Variants in SPTA1 observed in about 807,000 individuals in gnomAD.
The protein encoded by SPTA1 is spectrin alpha, erythrocytic 1.
Under a neutral mutation model 324.7 loss-of-function variants are expected in SPTA1, and 177 were observed. The ratio of observed to expected loss-of-function variants is 0.55; its 90% confidence interval spans 0.48 to 0.62. SPTA1 has a LOEUF of 0.62. Ranked by LOEUF, SPTA1 falls within the 20% of genes least tolerant of loss-of-function variation. The pLI, the probability that SPTA1 is intolerant of heterozygous loss-of-function variation, is 0.00. For missense variants in SPTA1, 3,162 were observed against 2,883.6 expected, an observed-to-expected ratio of 1.10 and a Z score of -2.21; for synonymous variants, 1,195 against 1,041.3, an observed-to-expected ratio of 1.15 and a Z score of -2.84.
At chr1:158,631,063 T>C (rs920732533) in intron 39 of SPTA1, among the ~76,000 whole-genome samples, 8 of 152,108 alleles carry the variant, frequency 5.3e-5, no homozygotes, top group African/African-American at 1.4e-4. Flanking sequence ...AAAAACAGTA[T>C]GGAGATTCCT....
At chr1:158,622,021 C>T (rs1368464066) in intron 43 of SPTA1, among the ~76,000 whole-genome samples, 3 of 152,124 alleles carry the variant, frequency 2.0e-5, no homozygotes, top group African/African-American at 7.2e-5. Context: ...CCCGCCACCA[C>T]GCCCGGCTAA....
intron 22 of SPTA1, 120 bp from the exon 23 acceptor site, chr1:158,652,773 AAAG>A: frequency 8.6e-7 from 1 of 1,158,240 alleles, no homozygotes; most frequent in Non-Finnish European, 1.2e-6. Context: ...ATCAAAAGCA[AAAG>A]AATAGTAGAA....
intron 10 of SPTA1, among the ~76,000 whole-genome samples, chr1:158,672,810 A>C (rs1312853034): frequency 2.0e-5 from 3 of 152,104 alleles, no homozygotes; most frequent in Admixed American, 2.0e-4. Context: ...AAAAAAGCAG[A>C]ATATGGCCAG....
intron 51 of SPTA1, 80 bp downstream of exon 51, chr1:158,612,737 C>A (rs2101744532): frequency 6.5e-7 from 1 of 1,541,294 alleles, no homozygotes; most frequent in Non-Finnish European, 8.9e-7. Context: ...TGGGTTTTTT[C>A]AAAGTAGGCC....
intron 39 of SPTA1, among the ~76,000 whole-genome samples, chr1:158,630,277 T>C (rs534255284): frequency 3.3e-5 from 5 of 152,100 alleles, no homozygotes; most frequent in African/African-American, 9.6e-5. Context: ...ATTAAGAGTA[T>C]GGTACTGGCA....
At chr1:158,616,983 T>C (rs182868158) in intron 47 of SPTA1, among the ~76,000 whole-genome samples, 14 of 152,280 alleles carry the variant, frequency 9.2e-5, no homozygotes, top group African/African-American at 3.4e-4. Context: ...AGTATTTCAT[T>C]TTTTTGTTAG....
At chr1:158,641,901 G>A (rs1001894374) in intron 33 of SPTA1, among the ~76,000 whole-genome samples, 1 of 152,164 alleles carries the variant, frequency 6.6e-6, no homozygotes, top group Non-Finnish European at 1.5e-5. Flanking sequence ...CAAAGATTTG[G>A]AACCAACCCA....
At chr1:158,653,471 G>C (rs775410358) in intron 21 of SPTA1, 46 bp from the exon 22 acceptor site, 1 of 1,611,182 alleles carries the variant, frequency 6.2e-7, no homozygotes, top group South Asian at 1.1e-5. Flanking sequence ...TCTTGGAAAA[G>C]CAACAAACGG....
rs754501564 is a variant in SPTA1, at chr1:158,642,515, C to CA, written c.4632dup (p.Ala1545CysfsTer3). The CA allele has an allele frequency of 1.2e-6, 2 of 1,613,446 alleles. No individual in the cohort carries two copies. The highest frequency in any genetic ancestry group is 3.3e-5 in the Admixed American group (2 of 59,946). ...TCAGATCGGCCATCGACTTCATGTG[C>CA]AAAGGTCTGGTGTTTCAGGTATTTC... On this transcript the variant is annotated frameshift_variant, in exon 33 of 52. Coordinates refer to ENST00000643759, the MANE Select transcript of SPTA1 (RefSeq NM_003126.4). LOFTEE classifies it high-confidence loss of function.
intron 3 of SPTA1, among the ~76,000 whole-genome samples, chr1:158,682,551 G>T (rs1398171532): frequency 6.6e-6 from 1 of 152,050 alleles, no homozygotes; most frequent in Non-Finnish European, 1.5e-5. Flanking sequence ...TAAAATCTGT[G>T]TCCGTTGACC....
At chr1:158,680,435 A>G (rs1654721826) in intron 5 of SPTA1, 148 bp downstream of exon 5, 1 of 1,103,704 alleles carries the variant, frequency 9.1e-7, no homozygotes, top group African/African-American at 1.5e-5. Flanking sequence ...GGGAGAGGAA[A>G]CTGTTCAGAA....
In SPTA1 at chr1:158,672,045, A is replaced by T; in HGVS notation, c.1488+14T>A. On this transcript the variant is annotated intron_variant, in intron 11 of 51. Coordinates refer to ENST00000643759, the MANE Select transcript of SPTA1 (RefSeq NM_003126.4). ...GAAATTACTTCTAGAGATGGTATGG[A>T]CCCCTCCCGTTACCTCTTGTCTACT... 1.9e-6 allele frequency: 3 copies of T among 1,613,426 alleles called. No individual in the cohort carries two copies. The highest frequency in any genetic ancestry group is 2.7e-5 in the African/African-American group (2 of 74,920).
intron 20 of SPTA1, among the ~76,000 whole-genome samples, chr1:158,655,171 C>T (rs1167024073): frequency 1.3e-5 from 2 of 151,830 alleles, no homozygotes; most frequent in Non-Finnish European, 2.9e-5. Context: ...AGTGATAATT[C>T]TTCCCACTCC....
chr1:158,638,952 G>C (rs1230492592), intron 35 of SPTA1, among the ~76,000 whole-genome samples: 1 of 152,046 alleles, frequency 6.6e-6, no homozygotes, highest in African/African-American at 2.4e-5. Context: ...TATCTCTTCT[G>C]TGTCTACTCC....
intron 27 of SPTA1, 21 bp from the exon 28 acceptor site, chr1:158,645,615 G>T: frequency 6.2e-7 from 1 of 1,613,072 alleles, no homozygotes; most frequent in Non-Finnish European, 8.5e-7. Flanking sequence ...AGACACATTG[G>T]AATTGACAAG....
intron 30 of SPTA1, 31 bp downstream of exon 30, chr1:158,644,222 T>C (rs969284131): frequency 7.4e-6 from 12 of 1,612,576 alleles, no homozygotes; most frequent in Non-Finnish European, 1.0e-5. Flanking sequence ...CTACGGATTA[T>C]TATTTTAATT....
intron 49 of SPTA1, 118 bp from the exon 50 acceptor site, chr1:158,613,985 T>C: frequency 8.5e-7 from 1 of 1,174,194 alleles, no homozygotes; most frequent in Non-Finnish European, 1.2e-6. Flanking sequence ...CACAAAACTA[T>C]CAGAGGACTG....
chr1:158,686,263 C>T (rs1199550608), intron 1 of SPTA1, among the ~76,000 whole-genome samples: 2 of 152,202 alleles, frequency 1.3e-5, no homozygotes, highest in African/African-American at 4.8e-5. Context: ...GCTTCAATCT[C>T]CCTACTTATT....
intron 7 of SPTA1, among the ~76,000 whole-genome samples, chr1:158,677,373 C>T (rs1364472205): frequency 1.3e-5 from 2 of 152,092 alleles, no homozygotes; most frequent in South Asian, 2.1e-4. Flanking sequence ...GTGTATTTTA[C>T]TCAGTGAGAT....
Sources: allele counts gnomAD v4.1 joint callset (sites outside exome capture counted in the v4.1 genomes callset), GRCh38; gene constraint gnomAD v4.1.1; transcripts MANE v1.5; gene names NCBI Gene and HGNC (gene_info 2026-07-23, HGNC 2026-07-21).